TMTC4: variants seen among roughly 807,000 people sequenced by gnomAD.
TMTC4 encodes the protein protein O-mannosyl-transferase TMTC4.
Under a neutral mutation model 86.0 loss-of-function variants are expected in TMTC4, and 65 were observed. The ratio of observed to expected loss-of-function variants is 0.76; its 90% confidence interval spans 0.62 to 0.93. The LOEUF is 0.93. Among genes scored for constraint, TMTC4 ranks in the 40% least tolerant of loss-of-function variants. The pLI, the probability that TMTC4 is intolerant of heterozygous loss-of-function variation, is 0.00. For synonymous variants in TMTC4, 379 were observed against 382.5 expected, an observed-to-expected ratio of 0.99 and a Z score of 0.11; for missense variants, 866 against 948.1, an observed-to-expected ratio of 0.91 and a Z score of 1.14.
intron 17 of TMTC4, among the ~76,000 whole-genome samples, chr13:100,607,730 G>A (rs546134781): frequency 6.6e-6 from 1 of 152,096 alleles, no homozygotes; most frequent in Non-Finnish European, 1.5e-5. Context: ...CTGAGAATGT[G>A]GGGGACCATC....
chr13:100,674,705 C>T (rs1887622203), intron 1 of TMTC4, 39 bp downstream of exon 1: 1 of 983,396 alleles, frequency 1.0e-6, no homozygotes, highest in Non-Finnish European at 1.2e-6. Flanking sequence ...GCTCGCCCCG[C>T]GGCGCGCTCG....
chr13:100,664,209 G>A lies in TMTC4; in HGVS notation c.335+12C>T. Reference sequence around the variant, plus strand: ...GAGGGACCTTCCCAGGCCCTTCAATGTCACAGCTTACCTGAAAGTCAGGAC... The same window carrying A: ...GAGGGACCTTCCCAGGCCCTTCAATATCACAGCTTACCTGAAAGTCAGGAC... On this transcript the variant is annotated intron_variant, in intron 4 of 18. Transcript: ENST00000342624. 1 of 1,600,002 alleles carries A rather than the reference G, an allele frequency of 6.2e-7. No homozygotes were observed. Among genetic ancestry groups the A allele is most frequent in the African/African-American group, 1.3e-5 (1 of 74,534 alleles).
At chr13:100,641,964 T>C (rs373987383) in intron 7 of TMTC4, among the ~76,000 whole-genome samples, 1 of 152,224 alleles carries the variant, frequency 6.6e-6, no homozygotes, top group African/African-American at 2.4e-5. Context: ...CATGGCTCCC[T>C]AAGAACTCCT....
intron 1 of TMTC4, chr13:100,674,478 G>A: frequency 2.2e-6 from 2 of 920,334 alleles, no homozygotes; most frequent in Non-Finnish European, 2.6e-6. Flanking sequence ...AAGCTCAGGG[G>A]CCCGAGCGCG....
At chr13:100,655,538 G>A (rs961356933) in intron 6 of TMTC4, among the ~76,000 whole-genome samples, 5 of 152,218 alleles carry the variant, frequency 3.3e-5, no homozygotes, top group African/African-American at 9.6e-5. Context: ...TTATGGGGCC[G>A]GCCAATTCAA....
In TMTC4 at chr13:100,642,307, G is replaced by GTTA. The variant is rs777514985; in HGVS notation, c.642_644dup (p.Asn215dup). ...AGGTGGAAGAATGCGCTCCCTCCTT[G>GTTA]TTACCTGCCAATTAAGAGAAATGAT... On this transcript the variant is annotated inframe_insertion, in exon 7 of 19. Coordinates refer to ENST00000342624, the MANE Select transcript of TMTC4 (RefSeq NM_032813.5). 6 of 1,614,066 alleles carry GTTA rather than the reference G, an allele frequency of 3.7e-6. No individual in the cohort carries two copies. The highest frequency in any genetic ancestry group is 1.3e-5 in the African/African-American group (1 of 74,928).
At chr13:100,612,555 C>T (rs1430636937) in intron 16 of TMTC4, 45 bp from the exon 17 acceptor site, 1 of 1,445,968 alleles carries the variant, frequency 6.9e-7, no homozygotes. Context: ...TAATGTTGTA[C>T]TCGCATTTTA....
At chr13:100,644,382 C>A (rs375341910) in intron 6 of TMTC4, among the ~76,000 whole-genome samples, 2 of 151,528 alleles carry the variant, frequency 1.3e-5, no homozygotes, top group African/African-American at 4.9e-5. Context: ...GGATTACAGG[C>A]GTGAGTTATT....
Position 100,604,281 on chromosome 13 carries a change from A to G in TMTC4, c.*713T>C, listed in dbSNP as rs900173651. 13 of 152,642 alleles carry G rather than the reference A, an allele frequency of 8.5e-5. No homozygotes were observed. 9.5% of individuals were successfully genotyped at this position (152,642 alleles called of 1,614,324 possible). A position where few individuals can be genotyped will look rare whatever the true frequency, so the allele number is the denominator to read the frequency against. On this transcript the variant is annotated 3_prime_UTR_variant, in exon 19 of 19. Coordinates refer to ENST00000342624, the MANE Select transcript of TMTC4 (RefSeq NM_032813.5). ...CTGCTCTTGCCTAAAGCATGGCTTGAACTTTCAATTGATAGTAACCGCTTA... is the reference window on the plus strand; with the variant it reads ...CTGCTCTTGCCTAAAGCATGGCTTGGACTTTCAATTGATAGTAACCGCTTA...
chr13:100,674,123 T>C (rs1333807375), intron 1 of TMTC4: 1 of 983,754 alleles, frequency 1.0e-6, no homozygotes, highest in Admixed American at 6.2e-5. Context: ...CTGCTCGGCT[T>C]CCCCAAACTC....
chr13:100,671,153 G>T (rs1324515944), intron 1 of TMTC4, among the ~76,000 whole-genome samples: 1 of 152,296 alleles, frequency 6.6e-6, no homozygotes, highest in East Asian at 1.9e-4. Context: ...TTTCAATAGT[G>T]AATTTATTGG....
chr13:100,619,588 G>C (rs1352428439), intron 15 of TMTC4, among the ~76,000 whole-genome samples: 3 of 152,148 alleles, frequency 2.0e-5, no homozygotes, highest in East Asian at 1.9e-4. Context: ...ACAGCAAATA[G>C]ATAGCATATT....
chr13:100,626,489 G>A (rs1383778808), intron 12 of TMTC4, among the ~76,000 whole-genome samples: 4 of 152,120 alleles, frequency 2.6e-5, no homozygotes, highest in Non-Finnish European at 5.9e-5. Flanking sequence ...TTGCTATGTT[G>A]CCCAGGCTGG....
At chr13:100,669,952 A>G (rs946051291) in intron 2 of TMTC4, among the ~76,000 whole-genome samples, 10 of 151,944 alleles carry the variant, frequency 6.6e-5, no homozygotes, top group African/African-American at 2.4e-4. Context: ...TACCTTCTAG[A>G]GTTGTCATGA....
In TMTC4 at chr13:100,630,752, A is replaced by T. The variant is rs571661204; in HGVS notation, c.1506+4053T>A. Among the ~76,000 whole-genome samples, 3 of 152,308 alleles carry T rather than the reference A, an allele frequency of 2.0e-5. No individual in the cohort carries two copies. The East Asian group carries it at 5.8e-4, about 29-fold the overall frequency. ...TGTTCCAGGCAAATTCTGTTTTCTC[A>T]ATAAAAAGCCCAGACAAAGAGTTCA... is the stretch of plus-strand genomic sequence containing the variant. On this transcript the variant is annotated intron_variant, in intron 12 of 18. Coordinates refer to ENST00000342624, the MANE Select transcript of TMTC4 (RefSeq NM_032813.5).
intron 15 of TMTC4, chr13:100,623,752 C>T (rs868108797): frequency 2.6e-5 from 5 of 194,944 alleles, no homozygotes; most frequent in Middle Eastern, 8.4e-4. Context: ...TTGGTGCAGG[C>T]GCTCAATGCA....
chr13:100,606,443 C>G lies in TMTC4; in HGVS notation c.2065-16G>C. ...CTTCAGATTCCTAAAAAATGAGAAACATAAAAAGGAAGATATTTATTGTAC... is the reference window on the plus strand; with the variant it reads ...CTTCAGATTCCTAAAAAATGAGAAAGATAAAAAGGAAGATATTTATTGTAC... On this transcript the variant is annotated splice_polypyrimidine_tract_variant and intron_variant, in intron 17 of 18. Coordinates refer to ENST00000342624, the MANE Select transcript of TMTC4 (RefSeq NM_032813.5). 1 of 1,601,282 alleles carries G rather than the reference C, an allele frequency of 6.2e-7. No homozygotes were observed. Among genetic ancestry groups the G allele is most frequent in the Non-Finnish European group, 8.5e-7 (1 of 1,171,422 alleles).
At position 100,663,282 on chromosome 13, in the gene TMTC4, G is replaced by A. The variant is rs76606363; in HGVS notation, c.336-102C>T. ...CTTGTGTGTGGAAATATTAAAAGGA[G>A]AAGCGGAAGACTTTGTGCCAGCTTG... is the stretch of plus-strand genomic sequence containing the variant. On this transcript the variant is annotated intron_variant, in intron 4 of 18. Transcript: ENST00000342624. 176 of 1,007,004 alleles carry A rather than the reference G, an allele frequency of 1.7e-4. No homozygotes were observed. The African/African-American group carries it at 2.6e-3, about 15-fold the overall frequency. The allele number at this position is 1,007,004 out of a possible 1,614,324, so 62.4% of individuals were successfully genotyped here. A position where few individuals can be genotyped will look rare whatever the true frequency, so the allele number is the denominator to read the frequency against.
intron 1 of TMTC4, chr13:100,674,118 C>T: frequency 1.0e-6 from 1 of 984,800 alleles, no homozygotes; most frequent in Non-Finnish European, 1.2e-6. Flanking sequence ...GCCACCTGCT[C>T]GGCTTCCCCA....
Sources: gnomAD v4.1 joint callset for allele counts (sites outside exome capture counted in the v4.1 genomes callset) on GRCh38, gnomAD v4.1.1 for gene constraint, MANE v1.5 for transcripts, NCBI Gene and HGNC (gene_info 2026-07-23, HGNC 2026-07-21) for gene names.